Variants in FASTKD1 observed in about 807,000 individuals in gnomAD.
FASTKD1 encodes FAST kinase domain-containing protein 1, mitochondrial.
FASTKD1 carries 94 observed loss-of-function variants against 90.9 expected under a neutral mutation model. The ratio of observed to expected loss-of-function variants is 1.03; its 90% confidence interval spans 0.88 to 1.23. The LOEUF is 1.23. FASTKD1 is among the 50% of genes most tolerant of loss of function. The pLI is 0.00. For synonymous variants in FASTKD1, 319 were observed against 345.8 expected (o/e 0.92, Z 0.86); for missense variants, 945 against 993.5 (o/e 0.95, Z 0.66).
At position 169,528,859 on chromosome 2, in the gene FASTKD1, ACCTT is replaced by A. The variant is rs999630740; in HGVS notation, c.*962_*965del. Among the ~76,000 whole-genome samples the A allele has an allele frequency of 4.6e-5, 7 of 151,140 alleles. No individual in the cohort carries two copies. The highest frequency in any genetic ancestry group is 1.7e-4 in the African/African-American group (7 of 41,166). ...ACTTGGCTTCTAGGAAGTATTACTT[ACCTT>A]CCTTCCTCCTACCTCATTGGCCATC... On this transcript the variant is annotated 3_prime_UTR_variant, in exon 15 of 15. Transcript: ENST00000453153.
intron 3 of FASTKD1, 57 bp from the exon 4 acceptor site, chr2:169,563,407 TAATA>T: frequency 8.3e-7 from 1 of 1,206,494 alleles, no homozygotes; most frequent in South Asian, 1.8e-5. Flanking sequence ...TTAAAACACA[TAATA>T]TATAGTTATA....
chr2:169,556,373 G>T (rs1248118876), intron 6 of FASTKD1, among the ~76,000 whole-genome samples: 2 of 150,338 alleles, frequency 1.3e-5, no homozygotes, highest in Non-Finnish European at 3.0e-5. Context: ...GAGGTGGAGG[G>T]TGCAGTGAGT....
intron 3 of FASTKD1, among the ~76,000 whole-genome samples, chr2:169,567,403 G>A (rs1321919471): frequency 6.6e-6 from 1 of 152,134 alleles, no homozygotes; most frequent in Non-Finnish European, 1.5e-5. Context: ...TAGATAATTT[G>A]TACTGTTAGC....
intron 7 of FASTKD1, among the ~76,000 whole-genome samples, chr2:169,548,938 C>CA (rs1210470742): frequency 6.6e-6 from 1 of 150,496 alleles, no homozygotes; most frequent in African/African-American, 2.4e-5. Context: ...ACTAAAAATA[C>CA]AAAAAAGAGT....
chr2:169,562,907 T>C (rs1203699916), intron 4 of FASTKD1, among the ~76,000 whole-genome samples: 1 of 152,170 alleles, frequency 6.6e-6, no homozygotes, highest in Non-Finnish European at 1.5e-5. Context: ...GTCCTCTCTC[T>C]GACCTCGGAG....
chr2:169,529,949 G>C (rs756269006), intron 14 of FASTKD1, 23 bp from the exon 15 acceptor site: 2 of 1,537,102 alleles, frequency 1.3e-6, no homozygotes, highest in Non-Finnish European at 1.8e-6. Context: ...AATGTTGTTT[G>C]AATGAAAGTT....
intron 12 of FASTKD1, 100 bp from the exon 13 acceptor site, chr2:169,531,590 C>T (rs867980314): frequency 1.2e-6 from 1 of 860,290 alleles, no homozygotes; most frequent in South Asian, 2.3e-5. Context: ...TATTTGTACA[C>T]ACACACACTC....
In FASTKD1 at chr2:169,557,209, T is replaced by C; in HGVS notation, c.1060A>G (p.Arg354Gly). The change falls in exon 6 of 15, where the codon AGA (arginine) becomes GGA (glycine). Residue 354 changes from arginine to glycine, a missense_variant. Physicochemically the swap from Arg to Gly is moderately radical, Grantham distance 125. Transcript: ENST00000453153. ...TACCTTTTAATCAGACATGAGTTTC[T>C]GCTTTCCATATCTCCCATTGCTCCC... ...VLGAMGDMESRNSCLIKRVTS... is the reference protein window; with the variant it reads ...VLGAMGDMESGNSCLIKRVTS... 3 of 1,611,172 alleles carry C rather than the reference T, an allele frequency of 1.9e-6. No homozygotes were observed. The highest frequency in any genetic ancestry group is 2.5e-6 in the Non-Finnish European group (3 of 1,177,662).
At chr2:169,535,170 TTTTTG>T (rs529175558) in intron 12 of FASTKD1, among the ~76,000 whole-genome samples, 78 of 151,836 alleles carry the variant, frequency 5.1e-4, no homozygotes, top group African/African-American at 1.4e-3. Context: ...CAATGTTTGT[TTTTTG>T]TTTTGTTTTG....
At chr2:169,557,124 TAGAAAAA>T in intron 6 of FASTKD1, 56 bp downstream of exon 6, 1 of 1,058,696 alleles carries the variant, frequency 9.4e-7, no homozygotes, top group African/African-American at 1.6e-5. Flanking sequence ...CATTTTTCCT[TAGAAAAA>T]AATAGGTGCT....
chr2:169,556,828 A>AAAACAAACAAAC (rs140987027), intron 6 of FASTKD1, among the ~76,000 whole-genome samples: 2,179 of 148,406 alleles, frequency 0.015, 46 homozygotes, highest in East Asian at 0.045. Context: ...CTCTGTCTCA[A>AAAACAAACAAAC]AAACAAACAA....
Position 169,528,836 on chromosome 2 carries a change from T to C in FASTKD1, c.*989A>G, listed in dbSNP as rs1684364051. ...CTCCCCCTTGAAATGCTTTATCCAC[T>C]TGGCTTCTAGGAAGTATTACTTACC... is the stretch of plus-strand genomic sequence containing the variant. On this transcript the variant is annotated 3_prime_UTR_variant, in exon 15 of 15. Coordinates refer to ENST00000453153, the MANE Select transcript of FASTKD1 (RefSeq NM_024622.6). Among the ~76,000 whole-genome samples, 1 of 152,154 alleles carries C rather than the reference T, an allele frequency of 6.6e-6. No homozygotes were observed. Among genetic ancestry groups the C allele is most frequent in the Non-Finnish European group, 1.5e-5 (1 of 68,026 alleles).
chr2:169,564,764 G>C (rs1051132793), intron 3 of FASTKD1, among the ~76,000 whole-genome samples: 1 of 151,446 alleles, frequency 6.6e-6, no homozygotes, highest in Non-Finnish European at 1.5e-5. Flanking sequence ...TGCTCTCTAC[G>C]TCCATTAGTT....
chr2:169,565,702 C>T (rs1683945042), intron 3 of FASTKD1, among the ~76,000 whole-genome samples: 1 of 152,160 alleles, frequency 6.6e-6, no homozygotes, highest in Non-Finnish European at 1.5e-5. Flanking sequence ...TGGGTATATA[C>T]CCAGGCAGTG....
At chr2:169,552,628 T>A (rs1039052034) in intron 7 of FASTKD1, among the ~76,000 whole-genome samples, 1 of 152,018 alleles carries the variant, frequency 6.6e-6, no homozygotes, top group Non-Finnish European at 1.5e-5. Context: ...TTATACTAAG[T>A]GAAGTAACAC....
intron 9 of FASTKD1, 129 bp from the exon 10 acceptor site, chr2:169,540,308 T>C: frequency 2.2e-6 from 2 of 922,004 alleles, no homozygotes; most frequent in South Asian, 2.3e-5. Context: ...TCTACACTGT[T>C]ACAAGACAGG....
chr2:169,551,361 A>G (rs754411386), intron 7 of FASTKD1, among the ~76,000 whole-genome samples: 51 of 152,222 alleles, frequency 3.4e-4, no homozygotes, highest in Non-Finnish European at 6.5e-4. Flanking sequence ...GATAATAACC[A>G]AAAACTGGAA....
intron 12 of FASTKD1, chr2:169,536,946 G>A: frequency 3.9e-6 from 1 of 253,898 alleles, no homozygotes; most frequent in South Asian, 6.4e-5. Flanking sequence ...GAAATGTTCA[G>A]TGAATCTGAA....
Position 169,531,372 on chromosome 2 carries a change from C to A in FASTKD1, c.2307G>T (p.Arg769Ser). The change falls in exon 13 of 15, where the codon AGG becomes AGT. Residue 769 changes from arginine to serine, a missense_variant. Physicochemically the swap from Arg to Ser is moderately radical, Grantham distance 110 (BLOSUM62 -1). Coordinates refer to ENST00000453153, the MANE Select transcript of FASTKD1 (RefSeq NM_024622.6). ...WESNIEIVGS[R>S]LPPGAERIAL... ...ATTACCTTTCAGCCCCTGGTGGCAGCCTTGATCCAACTATTTCGATATTTG... is the reference window on the plus strand; with the variant it reads ...ATTACCTTTCAGCCCCTGGTGGCAGACTTGATCCAACTATTTCGATATTTG... The A allele has an allele frequency of 6.2e-7, 1 of 1,613,586 alleles. No individual in the cohort carries two copies. Among genetic ancestry groups the A allele is most frequent in the South Asian group, 1.1e-5 (1 of 91,038 alleles).
Sources: gnomAD v4.1 joint callset for allele counts (sites outside exome capture counted in the v4.1 genomes callset) on GRCh38, gnomAD v4.1.1 for gene constraint, MANE v1.5 for transcripts, NCBI Gene and HGNC (gene_info 2026-07-23, HGNC 2026-07-21) for gene names.